FBXW8: variants seen among roughly 807,000 people sequenced by gnomAD.
The protein encoded by FBXW8 is F-box/WD repeat-containing protein 8.
FBXW8 carries 57 observed loss-of-function variants against 65.3 expected under a neutral mutation model. The ratio of observed to expected loss-of-function variants is 0.87; its 90% CI spans 0.71 to 1.09. FBXW8 has a LOEUF of 1.09. Ranked by LOEUF, FBXW8 falls within the 50% of genes least tolerant of loss-of-function variation. FBXW8 has a pLI of 0.00. For synonymous variants in FBXW8, 308 were observed against 330.2 expected, an observed-to-expected ratio of 0.93 and a Z score of 0.73; for missense variants, 777 against 814.8, an observed-to-expected ratio of 0.95 and a Z score of 0.57.
chr12:116,935,197 T>C (rs1882069847), intron 2 of FBXW8, among the ~76,000 whole-genome samples: 1 of 152,200 alleles, frequency 6.6e-6, no homozygotes, highest in African/African-American at 2.4e-5. Flanking sequence ...TTGAAATTTA[T>C]GATAATATTG....
At chr12:116,942,768 C>CTT (rs1882685943) in intron 2 of FBXW8, among the ~76,000 whole-genome samples, 3 of 96,882 alleles carry the variant, frequency 3.1e-5, no homozygotes, top group African/African-American at 7.9e-5. Context: ...TCCAGAGCTT[C>CTT]TATTTTTTTT....
chr12:116,930,711 A>G (rs928599538), intron 2 of FBXW8, among the ~76,000 whole-genome samples: 1 of 152,172 alleles, frequency 6.6e-6, no homozygotes, highest in Non-Finnish European at 1.5e-5. Flanking sequence ...AAAAATCATT[A>G]CCTATACCAG....
At chr12:117,026,965 G>A (rs150198818) in intron 9 of FBXW8, among the ~76,000 whole-genome samples, 1 of 152,312 alleles carries the variant, frequency 6.6e-6, no homozygotes, top group East Asian at 1.9e-4. Flanking sequence ...GATGTGGGGG[G>A]CACCTTCATG....
At position 117,010,036 on chromosome 12, in the gene FBXW8, T is replaced by C. The variant is rs147249982; in HGVS notation, c.1240-287T>C. Among the ~76,000 whole-genome samples, 296 of 152,336 alleles carry C rather than the reference T, an allele frequency of 1.9e-3. 2 individuals carry two copies. Among genetic ancestry groups the C allele is most frequent in the Non-Finnish European group, 3.7e-3 (250 of 68,034 alleles). On this transcript the variant is annotated intron_variant, in intron 7 of 10. Coordinates refer to ENST00000652555, the MANE Select transcript of FBXW8 (RefSeq NM_153348.3). ...GACGGCTTTCTCTTTGTTAAGAAAT[T>C]AGAATACCTGATTTCCCTGCGTTTT...
chr12:116,996,672 A>G (rs1953386227), intron 7 of FBXW8, among the ~76,000 whole-genome samples: 2 of 152,184 alleles, frequency 1.3e-5, no homozygotes, highest in Admixed American at 1.3e-4. Flanking sequence ...AATGTTTTTA[A>G]TATTTATCTG....
At chr12:117,016,052 A>G (rs1238345748) in intron 8 of FBXW8, among the ~76,000 whole-genome samples, 1 of 152,226 alleles carries the variant, frequency 6.6e-6, no homozygotes, top group Non-Finnish European at 1.5e-5. Flanking sequence ...TTGTACAGAT[A>G]TACTACATTT....
chr12:116,993,247 G>T (rs1299992468), intron 7 of FBXW8, among the ~76,000 whole-genome samples: 1 of 151,772 alleles, frequency 6.6e-6, no homozygotes, highest in Non-Finnish European at 1.5e-5. Flanking sequence ...GGGATTACAG[G>T]CACGTGCCAC....
intron 1 of FBXW8, among the ~76,000 whole-genome samples, chr12:116,914,549 G>C (rs980813837): frequency 6.9e-6 from 1 of 144,366 alleles, no homozygotes; most frequent in Non-Finnish European, 1.5e-5. Context: ...CTCCGGCCTA[G>C]GTGACAGAGC....
rs1487680976 is a variant in FBXW8, at chr12:116,928,135, G to A, written c.423+8G>A. 2 of 1,532,850 alleles carry A rather than the reference G, an allele frequency of 1.3e-6. No individual in the cohort carries two copies. Among genetic ancestry groups the A allele is most frequent in the South Asian group, 1.1e-5 (1 of 87,646 alleles). 95.0% of individuals were successfully genotyped at this position (1,532,850 alleles called of 1,614,324 possible). A position where few individuals can be genotyped will look rare whatever the true frequency, so the allele number is the denominator to read the frequency against. ...CTAGGAAGATGTGCACAGGTAAGGT[G>A]TCACCAACAGATGTTCCAGATTTTC... On this transcript the variant is annotated splice_region_variant and intron_variant, in intron 2 of 10. Transcript: ENST00000652555.
intron 5 of FBXW8, among the ~76,000 whole-genome samples, chr12:116,971,309 G>A (rs1013716374): frequency 6.5e-4 from 99 of 151,470 alleles, no homozygotes; most frequent in African/African-American, 2.2e-3. Context: ...TGAGCTGTGC[G>A]TGATTGCTCT....
At position 116,961,827 on chromosome 12, in the gene FBXW8, G is replaced by T. The variant is rs1884001147; in HGVS notation, c.678-2870G>T. On this transcript the variant is annotated intron_variant, in intron 4 of 10. Coordinates refer to ENST00000652555, the MANE Select transcript of FBXW8 (RefSeq NM_153348.3). The surrounding 1 kb of genome is among the most constrained non-coding windows in gnomAD (Gnocchi z 4.4). Reference sequence around the variant, plus strand: ...AAAGGAAGTAAAGGAAATGGTTCCAGAAGAAAGATTCATGCAGTCAGGTGT... The same window carrying T: ...AAAGGAAGTAAAGGAAATGGTTCCATAAGAAAGATTCATGCAGTCAGGTGT... 6.6e-6 allele frequency among the ~76,000 whole-genome samples: 1 copy of T among 152,226 alleles called. No individual in the cohort carries two copies. The highest frequency in any genetic ancestry group is 2.1e-4 in the South Asian group (1 of 4,828).
At chr12:116,981,724 A>G (rs1885319713) in intron 5 of FBXW8, among the ~76,000 whole-genome samples, 1 of 151,740 alleles carries the variant, frequency 6.6e-6, no homozygotes, top group East Asian at 1.9e-4. Context: ...AGCAATTCTC[A>G]TGCGTCAGCC....
At chr12:117,003,839 G>C (rs1268794786) in intron 7 of FBXW8, among the ~76,000 whole-genome samples, 3 of 152,106 alleles carry the variant, frequency 2.0e-5, no homozygotes, top group Non-Finnish European at 4.4e-5. Flanking sequence ...CTCTCCTTTT[G>C]ACTGCTTTTA....
At chr12:116,946,906 C>T (rs978530732) in intron 3 of FBXW8, among the ~76,000 whole-genome samples, 6 of 151,992 alleles carry the variant, frequency 3.9e-5, no homozygotes, top group South Asian at 2.1e-4. Context: ...TGAATGTTAA[C>T]GGGGTCCTTT....
At chr12:117,013,456 C>T (rs1477535704) in intron 8 of FBXW8, among the ~76,000 whole-genome samples, 2 of 152,014 alleles carry the variant, frequency 1.3e-5, no homozygotes, top group Non-Finnish European at 2.9e-5. Context: ...TGTCTCTTCT[C>T]GCTAAGACTA....
At chr12:116,915,859 G>A (rs1880367450) in intron 1 of FBXW8, among the ~76,000 whole-genome samples, 1 of 151,696 alleles carries the variant, frequency 6.6e-6, no homozygotes, top group South Asian at 2.1e-4. Context: ...CACTATGTTG[G>A]CCAGGCTGGT....
chr12:116,959,469 C>G (rs1453912670), intron 4 of FBXW8, among the ~76,000 whole-genome samples: 2 of 152,116 alleles, frequency 1.3e-5, no homozygotes, highest in Non-Finnish European at 2.9e-5. Flanking sequence ...AGTCACTTAA[C>G]CTTACTTCTC....
At chr12:117,002,599 G>A (rs910716090) in intron 7 of FBXW8, 5 of 152,250 alleles carry the variant, frequency 3.3e-5, no homozygotes, top group Middle Eastern at 3.4e-3. Context: ...TCACAGATAC[G>A]GCCGTGTTAC....
chr12:116,938,182 T>A (rs1445851321), intron 2 of FBXW8, among the ~76,000 whole-genome samples: 1 of 152,204 alleles, frequency 6.6e-6, no homozygotes, highest in Non-Finnish European at 1.5e-5. Context: ...TTTTAAAACC[T>A]GTCATTTTTG....
Sources: allele counts gnomAD v4.1 joint callset (sites outside exome capture counted in the v4.1 genomes callset), GRCh38; gene constraint gnomAD v4.1.1; non-coding constraint Gnocchi (gnomAD v3.1); transcripts MANE v1.5; gene names NCBI Gene and HGNC (gene_info 2026-07-23, HGNC 2026-07-21).